STYK1: variants seen among roughly 807,000 people sequenced by gnomAD.
STYK1 encodes the protein STY kinase 1.
A neutral mutation model predicts 48.1 loss-of-function variants in STYK1; 46 were observed. That is an observed-to-expected ratio of 0.96 (90% confidence interval 0.75 to 1.22). STYK1 has a LOEUF of 1.22. Ranked by LOEUF, STYK1 falls within the 50% of genes most tolerant of loss-of-function variation. The pLI, the probability that STYK1 is intolerant of heterozygous loss-of-function variation, is 0.00. For missense variants in STYK1, 527 were observed against 521.1 expected (o/e 1.01, Z -0.11); for synonymous variants, 188 against 189.0 (o/e 0.99, Z 0.04).
intron 1 of STYK1, among the ~76,000 whole-genome samples, chr12:10,661,708 A>T (rs900803726): frequency 2.6e-5 from 4 of 152,240 alleles, no homozygotes; most frequent in Non-Finnish European, 2.9e-5. Flanking sequence ...GTTGCTCCAG[A>T]TCACACAGCT....
intron 1 of STYK1, among the ~76,000 whole-genome samples, chr12:10,638,637 A>C (rs905573111): frequency 1.2e-4 from 18 of 152,228 alleles, no homozygotes; most frequent in African/African-American, 4.1e-4. Context: ...CACAACTCTT[A>C]ATAAGTGGCA....
chr12:10,646,662 C>T (rs1036291421), intron 1 of STYK1, among the ~76,000 whole-genome samples: 2 of 152,184 alleles, frequency 1.3e-5, no homozygotes, highest in African/African-American at 4.8e-5. Flanking sequence ...TGTTAATCAC[C>T]AAGACAATGA....
At chr12:10,670,706 G>A (rs1429841405) in intron 1 of STYK1, among the ~76,000 whole-genome samples, 1 of 151,532 alleles carries the variant, frequency 6.6e-6, no homozygotes, top group Non-Finnish European at 1.5e-5. Flanking sequence ...TTGTATTCTT[G>A]AAAATTGCTA....
chr12:10,657,639 A>G (rs1947733026), intron 1 of STYK1, among the ~76,000 whole-genome samples: 1 of 152,214 alleles, frequency 6.6e-6, no homozygotes, highest in Admixed American at 6.5e-5. Context: ...ATTGTTTGGT[A>G]TACCTGCTTT....
At chr12:10,632,199 T>C (rs1484963491) in intron 4 of STYK1, among the ~76,000 whole-genome samples, 1 of 99,022 alleles carries the variant, frequency 1.0e-5, no homozygotes, top group Non-Finnish European at 2.3e-5. Flanking sequence ...ACTCCATCTC[T>C]TTAAAAAAAA....
At chr12:10,632,207 A>AC (rs1220772008) in intron 4 of STYK1, among the ~76,000 whole-genome samples, 5 of 151,558 alleles carry the variant, frequency 3.3e-5, no homozygotes. Context: ...TCTTTAAAAA[A>AC]AAAACAAAAA....
intron 10 of STYK1, 45 bp downstream of exon 10, chr12:10,621,831 C>T (rs749303627): frequency 3.2e-6 from 5 of 1,570,544 alleles, no homozygotes; most frequent in Admixed American, 1.7e-5. Flanking sequence ...GAGGGCTAAA[C>T]AACATTTGGA....
chr12:10,627,627 T>C lies in STYK1; in HGVS notation c.717+14A>G. The C allele has an allele frequency of 6.2e-7, 1 of 1,607,712 alleles. No individual in the cohort carries two copies. The highest frequency in any genetic ancestry group is 8.5e-7 in the Non-Finnish European group (1 of 1,177,480). ...AAACGTCACACCATCAGTTGTCATG[T>C]TGCCTCATCTTACCAGCGCCAAAAG... On this transcript the variant is annotated intron_variant, in intron 7 of 10. Coordinates refer to ENST00000075503, the MANE Select transcript of STYK1 (RefSeq NM_018423.3).
At chr12:10,634,720 T>G in intron 2 of STYK1, 34 bp from the exon 3 acceptor site, 2 of 1,359,670 alleles carry the variant, frequency 1.5e-6, no homozygotes, top group Non-Finnish European at 2.1e-6. Context: ...AAAAATAAAA[T>G]GAATGAAAAA....
intron 1 of STYK1, among the ~76,000 whole-genome samples, chr12:10,655,670 T>C (rs571549232): frequency 6.6e-6 from 1 of 152,226 alleles, no homozygotes; most frequent in South Asian, 2.1e-4. Flanking sequence ...AAACTGCTAA[T>C]CATCTCTTTT....
At chr12:10,625,909 C>A (rs918372400) in intron 7 of STYK1, among the ~76,000 whole-genome samples, 1 of 152,272 alleles carries the variant, frequency 6.6e-6, no homozygotes, top group East Asian at 1.9e-4. Flanking sequence ...AACAGAGCAT[C>A]GGAGAGCCAT....
chr12:10,648,861 C>A (rs1947629448), intron 1 of STYK1, among the ~76,000 whole-genome samples: 1 of 151,988 alleles, frequency 6.6e-6, no homozygotes, highest in Non-Finnish European at 1.5e-5. Flanking sequence ...GCCACCACAC[C>A]CAGCAGAAAA....
chr12:10,643,070 T>C (rs1947562523), intron 1 of STYK1, among the ~76,000 whole-genome samples: 1 of 152,158 alleles, frequency 6.6e-6, no homozygotes, highest in African/African-American at 2.4e-5. Context: ...CTCTCCAATT[T>C]GGGGAAGATG....
rs1417245237 is a variant in STYK1 at position 10,634,491 on chromosome 12, CT to C, written c.52+75del. ...TTCTACTGGAAATCAAATCATCCTC[CT>C]TCTAGAATCTACCGAGACCTTAGCC... On this transcript the variant is annotated intron_variant, in intron 3 of 10. Transcript: ENST00000075503. The C allele has an allele frequency of 3.3e-5, 48 of 1,467,984 alleles. No homozygotes were observed. The African/African-American group carries it at 5.0e-4, about 15-fold the overall frequency. The allele number at this position is 1,467,984 out of a possible 1,614,324, so 90.9% of individuals were successfully genotyped here. A position where few individuals can be genotyped will look rare whatever the true frequency, so the allele number is the denominator to read the frequency against.
In STYK1 at chr12:10,672,168, A is replaced by G. The variant is rs1028299868; in HGVS notation, c.-195+1798T>C. 2.0e-5 allele frequency among the ~76,000 whole-genome samples: 3 copies of G among 152,170 alleles called. No individual in the cohort carries two copies. The highest frequency in any genetic ancestry group is 7.2e-5 in the African/African-American group (3 of 41,434). ...CTGGAATAGATGCAGGCTTCATAAC[A>G]TGTTAGTTTTGGATAGCCAGCCTAC... is the stretch of plus-strand genomic sequence containing the variant. On this transcript the variant is annotated intron_variant, in intron 1 of 10. Transcript: ENST00000075503. The surrounding 1 kb of genome is among the most constrained non-coding windows in gnomAD (Gnocchi z 4.0).
Position 10,672,483 on chromosome 12 carries a change from C to T in STYK1, c.-195+1483G>A, listed in dbSNP as rs1237282742. 6.6e-6 allele frequency among the ~76,000 whole-genome samples: 1 copy of T among 152,120 alleles called. No individual in the cohort carries two copies. Among genetic ancestry groups the T allele is most frequent in the African/African-American group, 2.4e-5 (1 of 41,416 alleles). On this transcript the variant is annotated intron_variant, in intron 1 of 10. Coordinates refer to ENST00000075503, the MANE Select transcript of STYK1 (RefSeq NM_018423.3). This position sits in a 1 kb window ranked among gnomAD's most constrained non-coding sequence, Gnocchi z 4.0. ...AACTCCTGAACTCAGGGCGATCCAC[C>T]CACCAACTCCTCCTAAAGTGGTGTG...
chr12:10,623,667 G>C (rs1468041940), intron 8 of STYK1, among the ~76,000 whole-genome samples: 1 of 152,132 alleles, frequency 6.6e-6, no homozygotes, highest in Non-Finnish European at 1.5e-5. Flanking sequence ...TGCTGAAAAA[G>C]AAAGTCTTGT....
At chr12:10,620,467 C>T (rs1033406287) in intron 10 of STYK1, 119 bp from the exon 11 acceptor site, 1 of 880,586 alleles carries the variant, frequency 1.1e-6, no homozygotes, top group Non-Finnish European at 1.8e-6. Context: ...CTTCTGTTTG[C>T]CCTGTTACTC....
In STYK1 at chr12:10,637,185, T is replaced by A. The variant is rs1947495009; in HGVS notation, c.-183A>T. 1 of 152,176 alleles carries A rather than the reference T, an allele frequency of 6.6e-6. No individual in the cohort carries two copies. The highest frequency in any genetic ancestry group is 6.5e-5 in the Admixed American group (1 of 15,274). 9.4% of individuals were successfully genotyped at this position (152,176 alleles called of 1,614,324 possible). On this transcript the variant is annotated 5_prime_UTR_variant, in exon 2 of 11. Coordinates refer to ENST00000075503, the MANE Select transcript of STYK1 (RefSeq NM_018423.3). ...GGCTTATTGATATCTTGCAGCCCAG[T>A]GAAATTGGATGCTAGAGCAAGGAGA... is the stretch of plus-strand genomic sequence containing the variant.
Sources: allele counts gnomAD v4.1 joint callset (sites outside exome capture counted in the v4.1 genomes callset), GRCh38; gene constraint gnomAD v4.1.1; non-coding constraint Gnocchi (gnomAD v3.1); transcripts MANE v1.5; gene names NCBI Gene and HGNC (gene_info 2026-07-23, HGNC 2026-07-21).